DPP6: variants seen among roughly 807,000 people sequenced by gnomAD.
DPP6 encodes the protein dipeptidyl peptidase like 6.
Under a neutral mutation model 122.6 loss-of-function variants are expected in DPP6, and 69 were observed. That is an observed-to-expected ratio of 0.56 (90% CI 0.46 to 0.69). DPP6 has a LOEUF of 0.69. Among genes scored for constraint, DPP6 ranks in the 30% least tolerant of loss-of-function variants. The pLI is 0.00. For missense variants in DPP6, 928 were observed against 1,116.9 expected (o/e 0.83, Z 2.41); for synonymous variants, 418 against 433.1 (o/e 0.97, Z 0.43).
rs532857735 is a variant in DPP6, at chr7:154,134,575, T to C, written c.243+81512T>C. On this transcript the variant is annotated intron_variant, in intron 1 of 25. Coordinates refer to ENST00000377770, the MANE Select transcript of DPP6 (RefSeq NM_130797.4). ...CTTCACAAGGTCAAATCTGTGCAGA[T>C]CCAAATGGTGTGTGGATCTAATTTT... 2.0e-5 allele frequency among the ~76,000 whole-genome samples: 3 copies of C among 152,314 alleles called. No individual in the cohort carries two copies. In the East Asian group the frequency reaches 5.8e-4, roughly 29 times the overall value.
At chr7:154,763,780 G>A (rs1458251831) in intron 8 of DPP6, among the ~76,000 whole-genome samples, 1 of 152,216 alleles carries the variant, frequency 6.6e-6, no homozygotes, top group Non-Finnish European at 1.5e-5. Flanking sequence ...TGCTCCCTAA[G>A]CTGGCTTTGG....
intron 1 of DPP6, among the ~76,000 whole-genome samples, chr7:153,910,789 T>G (rs1172107493): frequency 1.3e-5 from 2 of 152,164 alleles, no homozygotes; most frequent in Non-Finnish European, 2.9e-5. Flanking sequence ...GACCTTTGGT[T>G]TCGTTCTCAC....
chr7:154,766,594 T>A (rs780049664), intron 8 of DPP6, among the ~76,000 whole-genome samples: 6 of 152,222 alleles, frequency 3.9e-5, no homozygotes, highest in Admixed American at 6.5e-5. Flanking sequence ...GGCGTGTCTC[T>A]AAGTTTCCTT....
intron 5 of DPP6, among the ~76,000 whole-genome samples, chr7:154,584,835 C>T (rs1035520593): frequency 3.3e-5 from 5 of 152,198 alleles, no homozygotes; most frequent in Non-Finnish European, 1.5e-5. Context: ...GTGGACGATC[C>T]TGTGCTATTC....
the DPP6 span, among the ~76,000 whole-genome samples, chr7:153,750,817 A>G: frequency 1.3e-5 from 2 of 152,216 alleles, no homozygotes; most frequent in Non-Finnish European, 2.9e-5. Context: ...TCCTTCTTTA[A>G]AATCTTTGAT....
chr7:153,899,136 T>G (rs1040606156), intron 1 of DPP6, among the ~76,000 whole-genome samples: 4 of 151,424 alleles, frequency 2.6e-5, no homozygotes, highest in Non-Finnish European at 5.9e-5. Flanking sequence ...TCCTCCTCCT[T>G]TTTCTCCTTC....
At position 154,484,972 on chromosome 7, in the gene DPP6, T is replaced by A. The variant is rs895342175; in HGVS notation, c.457+9935T>A. Among the ~76,000 whole-genome samples, 8 of 149,896 alleles carry A rather than the reference T, an allele frequency of 5.3e-5. No homozygotes were observed. The South Asian group carries it at 6.4e-4, about 12-fold the overall frequency. On this transcript the variant is annotated intron_variant, in intron 3 of 25. Coordinates refer to ENST00000377770, the MANE Select transcript of DPP6 (RefSeq NM_130797.4). Reference sequence around the variant, plus strand: ...TGAAAAAACAGATGGGTTTTTTTTTTAAATAAAGCTTATGGGGTTAGGTAG... The same window carrying A: ...TGAAAAAACAGATGGGTTTTTTTTTAAAATAAAGCTTATGGGGTTAGGTAG...
At chr7:154,654,546 G>GTAGC (rs1356384399) in intron 6 of DPP6, among the ~76,000 whole-genome samples, 2 of 151,854 alleles carry the variant, frequency 1.3e-5, no homozygotes, top group Non-Finnish European at 2.9e-5. Context: ...AGCCTCCTGA[G>GTAGC]TAGCTGGGAT....
In DPP6 at chr7:154,403,531, G is replaced by A. The variant is rs1036638831; in HGVS notation, c.244-42683G>A. On this transcript the variant is annotated intron_variant, in intron 1 of 25. Coordinates refer to ENST00000377770, the MANE Select transcript of DPP6 (RefSeq NM_130797.4). The surrounding 1 kb of genome is among the most constrained non-coding windows in gnomAD (Gnocchi z 4.1). Reference sequence around the variant, plus strand: ...CTGGAGCCTCTCATCTCCACCTGCTGCGGAAGCTCCTGTGCATCCAACTCT... The same window carrying A: ...CTGGAGCCTCTCATCTCCACCTGCTACGGAAGCTCCTGTGCATCCAACTCT... Among the ~76,000 whole-genome samples the A allele has an allele frequency of 2.0e-5, 3 of 152,226 alleles. No individual in the cohort carries two copies. Among genetic ancestry groups the A allele is most frequent in the Non-Finnish European group, 4.4e-5 (3 of 68,034 alleles).
intron 1 of DPP6, among the ~76,000 whole-genome samples, chr7:154,176,887 G>T (rs540097093): frequency 6.6e-6 from 1 of 152,006 alleles, no homozygotes; most frequent in Non-Finnish European, 1.5e-5. Context: ...TGTCGCCCAG[G>T]TTACAGTGTG....
intron 1 of DPP6, among the ~76,000 whole-genome samples, chr7:154,398,603 TC>T (rs1319794520): frequency 6.7e-6 from 1 of 150,222 alleles, no homozygotes; most frequent in African/African-American, 2.5e-5. Flanking sequence ...TAGAGGGACA[TC>T]CTTCATATTT....
intron 1 of DPP6, among the ~76,000 whole-genome samples, chr7:153,920,322 C>G (rs907744199): frequency 3.9e-5 from 6 of 152,212 alleles, no homozygotes; most frequent in South Asian, 2.1e-4. Context: ...CTGAGAGAAC[C>G]GACAAGCAAC....
intron 5 of DPP6, among the ~76,000 whole-genome samples, chr7:154,593,877 T>G (rs1179846312): frequency 6.6e-6 from 1 of 152,238 alleles, no homozygotes; most frequent in Non-Finnish European, 1.5e-5. Flanking sequence ...AGCTAGATCT[T>G]GTACTGCAAT....
intron 2 of DPP6, among the ~76,000 whole-genome samples, chr7:154,456,025 G>C (rs987806220): frequency 6.6e-6 from 1 of 152,166 alleles, no homozygotes. Context: ...GACTCTGGCA[G>C]TCCAGAACCA....
At chr7:153,824,463 G>C in the DPP6 span, among the ~76,000 whole-genome samples, 1 of 151,650 alleles carries the variant, frequency 6.6e-6, no homozygotes, top group Non-Finnish European at 1.5e-5. Flanking sequence ...GAGGTGGGTG[G>C]ATCACCTGAG....
intron 1 of DPP6, among the ~76,000 whole-genome samples, chr7:154,060,583 T>G (rs1801641947): frequency 1.1e-5 from 1 of 93,134 alleles, no homozygotes; most frequent in African/African-American, 5.1e-5. Flanking sequence ...TACGTGGGAT[T>G]ACTGAGAGCC....
At chr7:153,790,752 G>A in the DPP6 span, among the ~76,000 whole-genome samples, 1 of 152,182 alleles carries the variant, frequency 6.6e-6, no homozygotes, top group Admixed American at 6.5e-5. Flanking sequence ...GTCCATTTTT[G>A]TAAAAGACAG....
At chr7:154,368,501 C>T (rs1812369622) in intron 1 of DPP6, among the ~76,000 whole-genome samples, 1 of 152,208 alleles carries the variant, frequency 6.6e-6, no homozygotes, top group African/African-American at 2.4e-5. Context: ...GCAGTGTTTA[C>T]TCCGGATAAT....
Position 154,088,245 on chromosome 7 carries a change from C to G in DPP6, c.243+35182C>G, listed in dbSNP as rs142756889. Among the ~76,000 whole-genome samples the G allele has an allele frequency of 9.8e-3, 1,486 of 151,842 alleles. 28 individuals carry two copies. Among genetic ancestry groups the G allele is most frequent in the African/African-American group, 0.034 (1,381 of 41,218 alleles). ...TGTGCTCTCTGCCTGCCTAATATCC[C>G]CACTTCTGGCCCAGTGGGGCTTGGG... On this transcript the variant is annotated intron_variant, in intron 1 of 25. Transcript: ENST00000377770.
Sources: allele counts gnomAD v4.1 joint callset (sites outside exome capture counted in the v4.1 genomes callset), GRCh38; gene constraint gnomAD v4.1.1; non-coding constraint Gnocchi (gnomAD v3.1); transcripts MANE v1.5; gene names NCBI Gene and HGNC (gene_info 2026-07-23, HGNC 2026-07-21).